Variants in TXNDC16 observed in about 807,000 individuals in gnomAD.
TXNDC16 encodes the protein thioredoxin domain containing 16, also known as thioredoxin domain-containing protein 16.
A neutral mutation model predicts 85.6 loss-of-function variants in TXNDC16; 74 were observed. The ratio of observed to expected loss-of-function variants is 0.86; its 90% CI spans 0.72 to 1.05. The LOEUF is 1.05. Ranked by LOEUF, TXNDC16 falls within the 50% of genes least tolerant of loss-of-function variation. The pLI, the probability that TXNDC16 is intolerant of heterozygous loss-of-function variation, is 0.00. For synonymous variants in TXNDC16, 335 were observed against 326.5 expected, an observed-to-expected ratio of 1.03 and a Z score of -0.28; for missense variants, 959 against 947.0, an observed-to-expected ratio of 1.01 and a Z score of -0.17.
intron 14 of TXNDC16, among the ~76,000 whole-genome samples, chr14:52,471,396 A>G (rs2035903507): frequency 6.6e-6 from 1 of 152,190 alleles, no homozygotes; most frequent in South Asian, 2.1e-4. Flanking sequence ...AATGCTAGAG[A>G]TATCTTTTCA....
At chr14:52,525,056 G>C (rs1477267984) in intron 6 of TXNDC16, among the ~76,000 whole-genome samples, 2 of 151,436 alleles carry the variant, frequency 1.3e-5, no homozygotes, top group East Asian at 2.0e-4. Context: ...CAGGAGGTGG[G>C]GGTTGCACAG....
chr14:52,540,174 T>C (rs549966763), intron 4 of TXNDC16, among the ~76,000 whole-genome samples: 2 of 152,360 alleles, frequency 1.3e-5, no homozygotes, highest in South Asian at 4.1e-4. Context: ...ATTCATTGTC[T>C]TGACTAGAAT....
chr14:52,435,084 AG>A (rs1283043297), intron 20 of TXNDC16, among the ~76,000 whole-genome samples: 7 of 152,196 alleles, frequency 4.6e-5, no homozygotes, highest in Admixed American at 4.6e-4. Context: ...TACTTTACAA[AG>A]TGCCTCTGCA....
chr14:52,535,683 C>G (rs952764364), intron 6 of TXNDC16, among the ~76,000 whole-genome samples: 5 of 151,944 alleles, frequency 3.3e-5, no homozygotes, highest in African/African-American at 1.2e-4. Flanking sequence ...AAGAATGGAC[C>G]CCAGATAGAC....
chr14:52,502,796 G>T (rs1449595665), intron 9 of TXNDC16, among the ~76,000 whole-genome samples: 1 of 152,216 alleles, frequency 6.6e-6, no homozygotes, highest in Non-Finnish European at 1.5e-5. Flanking sequence ...CCCAGGAAGT[G>T]CAAGGGGTCA....
chr14:52,549,872 C>T (rs1406404602), intron 1 of TXNDC16, among the ~76,000 whole-genome samples: 1 of 152,088 alleles, frequency 6.6e-6, no homozygotes, highest in Non-Finnish European at 1.5e-5. Flanking sequence ...CTCCTGACCT[C>T]GTGATCTGCC....
At chr14:52,505,209 C>T (rs1418054571) in intron 9 of TXNDC16, among the ~76,000 whole-genome samples, 1 of 152,142 alleles carries the variant, frequency 6.6e-6, no homozygotes, top group African/African-American at 2.4e-5. Context: ...TTCACTTCTG[C>T]ACCAAGCAGA....
At chr14:52,532,818 T>C (rs1294738114) in intron 6 of TXNDC16, among the ~76,000 whole-genome samples, 2 of 152,190 alleles carry the variant, frequency 1.3e-5, no homozygotes, top group African/African-American at 2.4e-5. Flanking sequence ...ACTGGGTATT[T>C]CAAACTGATG....
intron 16 of TXNDC16, among the ~76,000 whole-genome samples, chr14:52,457,907 T>C (rs895445795): frequency 1.8e-4 from 27 of 152,202 alleles, no homozygotes; most frequent in African/African-American, 6.5e-4. Flanking sequence ...TGTAGACTAA[T>C]GAGAAAAGCA....
Position 52,470,678 on chromosome 14 carries a change from T to C in TXNDC16, c.1315A>G (p.Thr439Ala), listed in dbSNP as rs1315532891. The change falls in exon 15 of 21, where the codon ACA (threonine) becomes GCA (alanine). Residue 439 changes from threonine to alanine, a missense_variant and splice_region_variant. Transcript: ENST00000281741. Reference protein sequence around the residue: ...YIDVAVKLKGTSTMLLTRINC... With the variant: ...YIDVAVKLKGASTMLLTRINC... Reference sequence around the variant, plus strand: ...ATTCTAGTAAGAAGCATAGTAGATGTGCCTAAATAAAAGGAAAATGCACAT... The same window carrying C: ...ATTCTAGTAAGAAGCATAGTAGATGCGCCTAAATAAAAGGAAAATGCACAT... 11 of 1,592,200 alleles carry C rather than the reference T, an allele frequency of 6.9e-6. No individual in the cohort carries two copies. Among genetic ancestry groups the C allele is most frequent in the Non-Finnish European group, 8.5e-6 (10 of 1,172,044 alleles).
intron 15 of TXNDC16, 85 bp from the exon 16 acceptor site, chr14:52,470,258 CAA>C (rs2140131748): frequency 9.8e-7 from 1 of 1,023,652 alleles, no homozygotes; most frequent in African/African-American, 1.6e-5. Flanking sequence ...ACATAGCAAA[CAA>C]TATATTACAT....
chr14:52,503,695 C>T (rs2036718069), intron 9 of TXNDC16, among the ~76,000 whole-genome samples: 1 of 152,200 alleles, frequency 6.6e-6, no homozygotes, highest in African/African-American at 2.4e-5. Flanking sequence ...AACGCAGCTC[C>T]TCACCAGCAA....
intron 18 of TXNDC16, among the ~76,000 whole-genome samples, chr14:52,452,893 A>C (rs1194230536): frequency 6.6e-6 from 1 of 152,152 alleles, no homozygotes; most frequent in African/African-American, 2.4e-5. Flanking sequence ...AAGTGGAGAG[A>C]GAGCCCACAG....
At chr14:52,488,843 A>C (rs564640609) in intron 11 of TXNDC16, among the ~76,000 whole-genome samples, 7 of 151,978 alleles carry the variant, frequency 4.6e-5, no homozygotes, top group East Asian at 1.9e-4. Context: ...AAAAAAAAAA[A>C]AAAAAACAAG....
intron 9 of TXNDC16, among the ~76,000 whole-genome samples, chr14:52,495,631 C>T (rs1038666297): frequency 2.6e-5 from 4 of 152,060 alleles, no homozygotes; most frequent in Non-Finnish European, 5.9e-5. Flanking sequence ...ACCTCTTTTG[C>T]ATGTGGGAGG....
intron 18 of TXNDC16, among the ~76,000 whole-genome samples, chr14:52,445,316 A>G (rs941167775): frequency 3.3e-4 from 50 of 152,162 alleles, no homozygotes; most frequent in African/African-American, 1.2e-3. Context: ...GATTATTTAT[A>G]ACCTATAATT....
intron 9 of TXNDC16, among the ~76,000 whole-genome samples, chr14:52,493,216 T>TACACACACAC (rs35747449): frequency 3.7e-4 from 43 of 115,824 alleles, no homozygotes; most frequent in African/African-American, 1.4e-3. Flanking sequence ...TATATATATA[T>TACACACACAC]ACACACACAC....
chr14:52,536,150 G>C (rs557266057), intron 6 of TXNDC16, among the ~76,000 whole-genome samples: 1 of 152,130 alleles, frequency 6.6e-6, no homozygotes, highest in Non-Finnish European at 1.5e-5. Flanking sequence ...GATATTAGGA[G>C]GTTATAAGGG....
intron 14 of TXNDC16, among the ~76,000 whole-genome samples, chr14:52,480,047 C>T (rs1566550222): frequency 6.6e-6 from 1 of 151,888 alleles, no homozygotes; most frequent in Non-Finnish European, 1.5e-5. Flanking sequence ...ACAAAGCAAA[C>T]AAAAATATAA....
Sources: allele counts gnomAD v4.1 joint callset (sites outside exome capture counted in the v4.1 genomes callset), GRCh38; gene constraint gnomAD v4.1.1; transcripts MANE v1.5; gene names NCBI Gene and HGNC (gene_info 2026-07-23, HGNC 2026-07-21).